The following TSC1 variants were observed in gnomAD, a reference collection of about 807,000 sequenced individuals.
The protein encoded by TSC1 is hamartin.
In TSC1, 20 loss-of-function variants were observed where a neutral mutation model predicts 124.3. The ratio of observed to expected loss-of-function variants is 0.16; its 90% CI spans 0.11 to 0.23. The LOEUF (loss-of-function observed/expected upper bound fraction) is 0.23. TSC1 is among the 10% of genes least tolerant of loss of function. The pLI is 1.00. For synonymous variants in TSC1, 493 were observed against 539.1 expected, an observed-to-expected ratio of 0.91 and a Z score of 1.19; for missense variants, 1,124 against 1,448.5, an observed-to-expected ratio of 0.78 and a Z score of 3.64.
Position 132,896,571 on chromosome 9 carries a change from G to T in TSC1, c.3159C>A (p.His1053Gln), listed in dbSNP as rs778413037. 6.2e-7 allele frequency: 1 copy of T among 1,614,070 alleles called. No individual in the cohort carries two copies. The highest frequency in any genetic ancestry group is 8.5e-7 in the Non-Finnish European group (1 of 1,179,960). The change falls in exon 23 of 23, where the codon CAC becomes CAA. Residue 1053 changes from histidine to glutamine, a missense_variant. Coordinates refer to ENST00000298552, the MANE Select transcript of TSC1 (RefSeq NM_000368.5). The surrounding 1 kb of genome is among the most constrained non-coding windows in gnomAD (Gnocchi z 4.5). ...GACTGCTGAATGGGCCTGCCCTCTG[G>T]TGTGGGGGTTTCTCTGGGGTAGAAA... is the stretch of plus-strand genomic sequence containing the variant. Reference protein sequence around the residue: ...SELSTPEKPPHQRAGPFSSRW... With the variant: ...SELSTPEKPPQQRAGPFSSRW...
At chr9:132,904,118 C>T (rs1178887257) in intron 16 of TSC1, among the ~76,000 whole-genome samples, 2 of 152,134 alleles carry the variant, frequency 1.3e-5, no homozygotes, top group Non-Finnish European at 2.9e-5. Flanking sequence ...ACACTTCCTT[C>T]GCTGTGTGTT....
At chr9:132,938,916 C>T (rs1185673139) in intron 1 of TSC1, among the ~76,000 whole-genome samples, 1 of 152,012 alleles carries the variant, frequency 6.6e-6, no homozygotes, top group Non-Finnish European at 1.5e-5. Flanking sequence ...AATAGGTGAC[C>T]GCATATCAAT....
At position 132,902,782 on chromosome 9, in the gene TSC1, A is replaced by T. The variant is rs1588302102; in HGVS notation, c.2214T>A (p.Asp738Glu). ...ALEEHNAAMKDQLKLQEKDIQ... is the reference protein window; with the variant it reads ...ALEEHNAAMKEQLKLQEKDIQ... ...TGTCCTTCTCTTGTAACTTCAACTG[A>T]TCTTTCTAGCAGAGACCAGAAATGT... The change falls in exon 18 of 23, where the codon GAT becomes GAA. Residue 738 changes from aspartate to glutamate, a missense_variant. Physicochemically the swap from Asp to Glu is conservative, Grantham distance 45. This residue lies in a region of TSC1 where 321 missense variants were observed against 397.4 expected (regional missense o/e 0.81). Coordinates refer to ENST00000298552, the MANE Select transcript of TSC1 (RefSeq NM_000368.5). This position sits in a 1 kb window ranked among gnomAD's most constrained non-coding sequence, Gnocchi z 5.2. The T allele has an allele frequency of 3.7e-6, 6 of 1,613,418 alleles. No individual in the cohort carries two copies. The highest frequency in any genetic ancestry group is 5.1e-6 in the Non-Finnish European group (6 of 1,180,028).
chr9:132,900,436 G>A (rs1194287873), intron 20 of TSC1: 4 of 440,460 alleles, frequency 9.1e-6, no homozygotes, highest in Non-Finnish European at 4.2e-6. Context: ...TCTTTGAAAG[G>A]CAGCCTAGGG....
intron 4 of TSC1, 187 bp downstream of exon 4, chr9:132,927,014 T>C (rs770508206): frequency 7.0e-5 from 44 of 629,730 alleles, no homozygotes; most frequent in Non-Finnish European, 1.2e-4. Context: ...TTTTATTTTG[T>C]AAACTTTTCA....
Position 132,897,267 on chromosome 9 carries a change from A to G in TSC1, c.2892T>C (p.Asp964=). The part of the protein sequence containing the change: ...ITQVFELEIL[D]LYGRLEKDGL... Reference sequence around the variant, plus strand: ...CATCTTTCTCCAACCTGCCATATAAATCTAAGATCTCCAATTCAAACACCT... The same window carrying G: ...CATCTTTCTCCAACCTGCCATATAAGTCTAAGATCTCCAATTCAAACACCT... The change falls in exon 22 of 23, where the codon GAT becomes GAC. Residue 964 remains aspartate, a synonymous_variant. Coordinates refer to ENST00000298552, the MANE Select transcript of TSC1 (RefSeq NM_000368.5). The G allele has an allele frequency of 6.2e-7, 1 of 1,614,152 alleles. No individual in the cohort carries two copies. Among genetic ancestry groups the G allele is most frequent in the East Asian group, 2.2e-5 (1 of 44,894 alleles).
intron 12 of TSC1, among the ~76,000 whole-genome samples, chr9:132,908,384 A>T (rs1397272090): frequency 6.6e-6 from 1 of 152,184 alleles, no homozygotes; most frequent in East Asian, 1.9e-4. Context: ...GCAATATGTT[A>T]TTTTGACTGA....
chr9:132,912,737 A>T (rs1284121556), intron 8 of TSC1: 1 of 442,144 alleles, frequency 2.3e-6, no homozygotes, highest in Non-Finnish European at 4.2e-6. Flanking sequence ...TGGAAAAATG[A>T]AACATAAGCT....
rs918126107 is a variant in TSC1, at chr9:132,895,660, C to T, written c.*575G>A. The T allele has an allele frequency of 4.6e-5, 11 of 237,286 alleles. No individual in the cohort carries two copies. In the South Asian group the frequency reaches 1.2e-3, roughly 26 times the overall value. The allele number at this position is 237,286 out of a possible 1,614,324, so 14.7% of individuals were successfully genotyped here. On this transcript the variant is annotated 3_prime_UTR_variant, in exon 23 of 23. Transcript: ENST00000298552. ...CAAAAGAATGCAAGTATGAATAAAC[C>T]GTTGTTCTTCTAGACCTGCTGCTTT...
Position 132,923,558 on chromosome 9 carries a change from G to A in TSC1, c.364-66C>T, listed in dbSNP as rs1452758327. On this transcript the variant is annotated intron_variant, in intron 5 of 22. Transcript: ENST00000298552. The surrounding 1 kb of genome is among the most constrained non-coding windows in gnomAD (Gnocchi z 4.2). ...CTGGCACCAGGATCGGCATTGTACA[G>A]TACATGAAGAGGCTCTAAACACTGA... The A allele has an allele frequency of 3.7e-6, 6 of 1,608,020 alleles. No homozygotes were observed. Among genetic ancestry groups the A allele is most frequent in the Non-Finnish European group, 5.1e-6 (6 of 1,175,512 alleles).
In TSC1 at chr9:132,896,553, G is replaced by A. The variant is rs753263747; in HGVS notation, c.3177C>T (p.Phe1059=). The A allele has an allele frequency of 6.2e-7, 1 of 1,614,206 alleles. No individual in the cohort carries two copies. Among genetic ancestry groups the A allele is most frequent in the Non-Finnish European group, 8.5e-7 (1 of 1,180,046 alleles). Residue 1059 remains phenylalanine, a synonymous_variant, in exon 23 of 23, where the codon TTC becomes TTT. Transcript: ENST00000298552. This position sits in a 1 kb window ranked among gnomAD's most constrained non-coding sequence, Gnocchi z 4.5. ...EKPPHQRAGP[F]SSRWETTMGE... ...CCATAGTCGTCTCCCACCGACTGCT[G>A]AATGGGCCTGCCCTCTGGTGTGGGG... is the stretch of plus-strand genomic sequence containing the variant.
intron 8 of TSC1, among the ~76,000 whole-genome samples, chr9:132,916,170 T>C (rs1190845421): frequency 1.3e-5 from 2 of 152,348 alleles, no homozygotes; most frequent in East Asian, 3.9e-4. Flanking sequence ...GTTAGTTTAC[T>C]TGGCATTTTT....
chr9:132,934,845 GCA>G (rs969260436), intron 2 of TSC1, among the ~76,000 whole-genome samples, 186 bp downstream of exon 2: 10 of 152,252 alleles, frequency 6.6e-5, no homozygotes, highest in Admixed American at 5.9e-4. Flanking sequence ...AATGCGCTTT[GCA>G]CAGTGTCAGG....
At position 132,900,547 on chromosome 9, in the gene TSC1, C is replaced by G. The variant is rs771641623; in HGVS notation, c.2625+168G>C. 2.7e-6 allele frequency: 3 copies of G among 1,096,254 alleles called. No individual in the cohort carries two copies. The African/African-American group carries it at 4.6e-5, about 17-fold the overall frequency. 67.9% of individuals were successfully genotyped at this position (1,096,254 alleles called of 1,614,324 possible). A position where few individuals can be genotyped will look rare whatever the true frequency, so the allele number is the denominator to read the frequency against. On this transcript the variant is annotated intron_variant, in intron 20 of 22. Transcript: ENST00000298552. ...CAACCCAATAGGAGAAACAAGCTCA[C>G]ATGGTGGCTGGAAAGTGCTTGTATA... is the stretch of plus-strand genomic sequence containing the variant.
At chr9:132,943,390 A>G (rs552001201) in intron 1 of TSC1, 1 of 152,360 alleles carries the variant, frequency 6.6e-6, no homozygotes, top group East Asian at 1.9e-4. Context: ...CGGATAAGCC[A>G]AGTGCATCCC....
chr9:132,911,068 G>A lies in TSC1; in HGVS notation c.1075C>T (p.Pro359Ser), dbSNP rs2131961491. The change falls in exon 11 of 23, where the codon CCA becomes TCA. Residue 359 changes from proline (P) to serine (S), a missense_variant. By Grantham distance (74) the Pro-to-Ser change is moderately conservative. Transcript: ENST00000298552. The stretch of plus-strand genomic sequence containing the variant: ...GGTGGGACATTTCCAGGAGAAGTTG[G>A]AGGAGTGGTCATACCACAAACCATA... ...PSMVCGMTTP[P>S]TSPGNVPPDL... 6.2e-7 allele frequency: 1 copy of A among 1,614,220 alleles called. No individual in the cohort carries two copies. The highest frequency in any genetic ancestry group is 1.1e-5 in the South Asian group (1 of 91,078).
chr9:132,922,069 A>G, intron 6 of TSC1, 96 bp from the exon 7 acceptor site: 5 of 1,420,516 alleles, frequency 3.5e-6, no homozygotes, highest in Non-Finnish European at 3.0e-6. Flanking sequence ...AGGACTTTTT[A>G]TCTATGTATA....
In TSC1 at chr9:132,929,007, A is replaced by G. The variant is rs547649950; in HGVS notation, c.-80-55T>C. On this transcript the variant is annotated intron_variant, in intron 2 of 22. Coordinates refer to ENST00000298552, the MANE Select transcript of TSC1 (RefSeq NM_000368.5). ...AATGGCCCCATTTTTCTCCATAAAAAAAGAAAATACCTGCAAGACAAACTA... is the reference window on the plus strand; with the variant it reads ...AATGGCCCCATTTTTCTCCATAAAAGAAGAAAATACCTGCAAGACAAACTA... 329 of 1,471,216 alleles carry G rather than the reference A, an allele frequency of 2.2e-4. 8 individuals carry two copies. In the South Asian group the frequency reaches 3.9e-3, roughly 18 times the overall value. The allele number at this position is 1,471,216 out of a possible 1,614,324, so 91.1% of individuals were successfully genotyped here. A position where few individuals can be genotyped will look rare whatever the true frequency, so the allele number is the denominator to read the frequency against.
intron 12 of TSC1, among the ~76,000 whole-genome samples, chr9:132,909,328 C>A (rs1845826589): frequency 6.6e-6 from 1 of 152,208 alleles, no homozygotes; most frequent in African/African-American, 2.4e-5. Flanking sequence ...CTTCATTATA[C>A]AATATCAAAA....
Sources: allele counts gnomAD v4.1 joint callset (sites outside exome capture counted in the v4.1 genomes callset), GRCh38; gene constraint gnomAD v4.1.1; regional missense constraint gnomAD v4.1.1; non-coding constraint Gnocchi (gnomAD v3.1); transcripts MANE v1.5; gene names NCBI Gene and HGNC (gene_info 2026-07-23, HGNC 2026-07-21).